Variants in COX7B2 observed in about 807,000 individuals in gnomAD.
The protein encoded by COX7B2 is cytochrome c oxidase subunit 7B2, mitochondrial.
For missense variants in COX7B2, 109 were observed against 95.9 expected, an observed-to-expected ratio of 1.14 and a Z score of -0.57; for synonymous variants, 37 against 32.1, an observed-to-expected ratio of 1.15 and a Z score of -0.51.
intron 2 of COX7B2, among the ~76,000 whole-genome samples, chr4:46,765,417 C>T (rs778045038): frequency 7.9e-5 from 12 of 152,232 alleles, no homozygotes; most frequent in Admixed American, 2.0e-4. Context: ...CCGCAGGCAC[C>T]AGGTCAACAC....
intron 1 of COX7B2, among the ~76,000 whole-genome samples, chr4:46,882,376 A>C (rs141170784): frequency 2.5e-3 from 377 of 152,272 alleles, no homozygotes; most frequent in African/African-American, 8.5e-3. Context: ...GATCTGTACT[A>C]ATACTGTCAG....
At chr4:46,821,699 T>A (rs1161271314) in intron 2 of COX7B2, among the ~76,000 whole-genome samples, 1 of 152,196 alleles carries the variant, frequency 6.6e-6, no homozygotes, top group Admixed American at 6.5e-5. Context: ...ATGTATAAGT[T>A]AAATAATCAT....
chr4:46,754,457 G>A (rs1479425770), intron 2 of COX7B2, among the ~76,000 whole-genome samples: 6 of 140,524 alleles, frequency 4.3e-5, no homozygotes, highest in African/African-American at 1.1e-4. Context: ...GCAAACTATC[G>A]CAAGGACAAA....
intron 2 of COX7B2, among the ~76,000 whole-genome samples, chr4:46,765,835 C>T (rs1277491027): frequency 6.6e-6 from 1 of 151,968 alleles, no homozygotes; most frequent in East Asian, 1.9e-4. Context: ...CATATGGCCC[C>T]AGGTGTGTCC....
chr4:46,805,340 C>T lies in COX7B2; in HGVS notation c.-50+39620G>A, dbSNP rs185343854. Among the ~76,000 whole-genome samples, 138 of 152,350 alleles carry T rather than the reference C, an allele frequency of 9.1e-4. 3 individuals are homozygous for T. Among genetic ancestry groups the T allele is most frequent in the South Asian group, 8.7e-3 (42 of 4,830 alleles). On this transcript the variant is annotated intron_variant, in intron 2 of 2. Coordinates refer to ENST00000355591, the MANE Select transcript of COX7B2 (RefSeq NM_130902.3). ...GCCAGGGCTGTGAGGGCTGCCAGCACGCTGTCACCTCTCAATATCACATTA... is the reference window on the plus strand; with the variant it reads ...GCCAGGGCTGTGAGGGCTGCCAGCATGCTGTCACCTCTCAATATCACATTA...
At chr4:46,886,333 A>C (rs1032998823) in intron 1 of COX7B2, among the ~76,000 whole-genome samples, 1 of 152,204 alleles carries the variant, frequency 6.6e-6, no homozygotes, top group Non-Finnish European at 1.5e-5. Flanking sequence ...ACAATGTGTA[A>C]TGATTAAATC....
chr4:46,796,915 G>A (rs2109607347), intron 2 of COX7B2, among the ~76,000 whole-genome samples: 1 of 56,150 alleles, frequency 1.8e-5, no homozygotes, highest in African/African-American at 9.2e-5. Context: ...ACACAGGAAG[G>A]GGAATATCAC....
intron 1 of COX7B2, among the ~76,000 whole-genome samples, chr4:46,859,304 T>C (rs1717202295): frequency 6.6e-6 from 1 of 152,120 alleles, no homozygotes. Flanking sequence ...CAATGTTGAC[T>C]CAACTGCTCT....
intron 2 of COX7B2, among the ~76,000 whole-genome samples, chr4:46,736,054 G>T (rs547023235): frequency 1.3e-5 from 2 of 152,158 alleles, no homozygotes; most frequent in Admixed American, 6.5e-5. Context: ...TTACATGAAG[G>T]TTCACTCCTG....
chr4:46,833,041 G>C (rs2109733571), intron 2 of COX7B2, among the ~76,000 whole-genome samples: 1 of 152,200 alleles, frequency 6.6e-6, no homozygotes, highest in South Asian at 2.1e-4. Context: ...GAGTAGCTGG[G>C]ATTACAAGCA....
chr4:46,797,701 C>T (rs1463692921), intron 2 of COX7B2, among the ~76,000 whole-genome samples: 1 of 152,146 alleles, frequency 6.6e-6, no homozygotes, highest in East Asian at 1.9e-4. Flanking sequence ...TTCAACTTGG[C>T]TATATGGCCT....
chr4:46,786,501 G>T (rs539578756), intron 2 of COX7B2, among the ~76,000 whole-genome samples: 5 of 152,024 alleles, frequency 3.3e-5, no homozygotes, highest in African/African-American at 1.2e-4. Context: ...AAATTCTCTG[G>T]GTGCATTACA....
intron 2 of COX7B2, among the ~76,000 whole-genome samples, chr4:46,823,297 T>C: frequency 6.6e-6 from 1 of 151,456 alleles, no homozygotes; most frequent in Non-Finnish European, 1.5e-5. Context: ...ATTATATTAG[T>C]ATATGTATTT....
chr4:46,890,138 T>G (rs1262362267), intron 1 of COX7B2, among the ~76,000 whole-genome samples: 2 of 152,176 alleles, frequency 1.3e-5, no homozygotes, highest in East Asian at 3.8e-4. Flanking sequence ...GAGCAGAATC[T>G]GGAATGAGTC....
chr4:46,896,730 T>A (rs1162956665), intron 1 of COX7B2, among the ~76,000 whole-genome samples: 2 of 152,188 alleles, frequency 1.3e-5, no homozygotes, highest in Admixed American at 1.3e-4. Context: ...CAATGAATAT[T>A]GTATTTTTTG....
At chr4:46,741,246 G>A (rs1714685964) in intron 2 of COX7B2, among the ~76,000 whole-genome samples, 1 of 152,042 alleles carries the variant, frequency 6.6e-6, no homozygotes, top group African/African-American at 2.4e-5. Flanking sequence ...AGCTCAAGAA[G>A]GCATTAAGGG....
chr4:46,902,475 T>C (rs975218708), intron 1 of COX7B2, among the ~76,000 whole-genome samples: 1 of 152,236 alleles, frequency 6.6e-6, no homozygotes, highest in Non-Finnish European at 1.5e-5. Context: ...TCAGTCGGCA[T>C]GGCTGTCCTT....
chr4:46,758,132 T>C (rs1715908535), intron 2 of COX7B2, among the ~76,000 whole-genome samples: 2 of 152,188 alleles, frequency 1.3e-5, no homozygotes, highest in African/African-American at 4.8e-5. Flanking sequence ...TACAATACTT[T>C]ATGGTAATTT....
At chr4:46,737,579 C>T (rs893379508) in intron 2 of COX7B2, among the ~76,000 whole-genome samples, 4 of 152,090 alleles carry the variant, frequency 2.6e-5, no homozygotes, top group Admixed American at 2.6e-4. Flanking sequence ...ATGCTAAGAA[C>T]AAGCCAAAAT....
Sources: allele counts gnomAD v4.1 joint callset (sites outside exome capture counted in the v4.1 genomes callset), GRCh38; gene constraint gnomAD v4.1.1; transcripts MANE v1.5; gene names NCBI Gene and HGNC (gene_info 2026-07-23, HGNC 2026-07-21).